The following TMTC1 variants were observed in gnomAD, a reference collection of about 807,000 sequenced individuals.
TMTC1 encodes transmembrane O-mannosyltransferase targeting cadherins 1.
A neutral mutation model predicts 104.8 loss-of-function variants in TMTC1; 73 were observed. That is an observed-to-expected ratio of 0.70 (90% CI 0.58 to 0.85). TMTC1 has a LOEUF of 0.85. Ranked by LOEUF, TMTC1 falls within the 40% of genes least tolerant of loss-of-function variation. The pLI, the probability that TMTC1 is intolerant of heterozygous loss-of-function variation, is 0.00. For synonymous variants in TMTC1, 434 were observed against 428.7 expected (o/e 1.01, Z -0.15); for missense variants, 1,035 against 1,096.1 (o/e 0.94, Z 0.79).
At chr12:29,781,662 C>CA (rs112333418) in intron 1 of TMTC1, among the ~76,000 whole-genome samples, 18 of 152,026 alleles carry the variant, frequency 1.2e-4, no homozygotes, top group Admixed American at 2.0e-4. Context: ...CCCATATCTA[C>CA]AAAAAAAATT....
At chr12:29,554,602 C>T (rs575612762) in intron 10 of TMTC1, among the ~76,000 whole-genome samples, 1 of 152,314 alleles carries the variant, frequency 6.6e-6, no homozygotes, top group African/African-American at 2.4e-5. Flanking sequence ...GACACAGTGT[C>T]TCATGCCTAT....
intron 9 of TMTC1, among the ~76,000 whole-genome samples, chr12:29,566,768 T>C (rs910112104): frequency 1.3e-5 from 2 of 152,208 alleles, no homozygotes; most frequent in Non-Finnish European, 2.9e-5. Context: ...TGAATTATCT[T>C]GTAATCCTCC....
chr12:29,611,094 A>AG (rs1946832435), intron 6 of TMTC1, among the ~76,000 whole-genome samples: 2 of 152,300 alleles, frequency 1.3e-5, no homozygotes, highest in Admixed American at 1.3e-4. Context: ...CAGATGTACT[A>AG]ATGAACAGAG....
rs527574472 is a variant in TMTC1, at chr12:29,580,700, T to A, written c.1418+2707A>T. ...CTCAGCTGGCTCCTGTTTTGGGCCA[T>A]TACGGCTAATTTAGGTTTTTCTCCT... is the stretch of plus-strand genomic sequence containing the variant. On this transcript the variant is annotated intron_variant, in intron 8 of 17. Coordinates refer to ENST00000539277, the MANE Select transcript of TMTC1 (RefSeq NM_001193451.2). Among the ~76,000 whole-genome samples the A allele has an allele frequency of 2.0e-5, 3 of 152,302 alleles. No individual in the cohort carries two copies. In the South Asian group the frequency reaches 6.2e-4, roughly 32 times the overall value.
chr12:29,571,890 C>T lies in TMTC1; in HGVS notation c.1532+215G>A, dbSNP rs2288229. Among the ~76,000 whole-genome samples the T allele has an allele frequency of 3.5e-4, 54 of 152,246 alleles. No homozygotes were observed. The East Asian group carries it at 7.9e-3, about 22-fold the overall frequency. On this transcript the variant is annotated intron_variant, in intron 9 of 17. Transcript: ENST00000539277. Reference sequence around the variant, plus strand: ...CAATGAAAAGTTTCACAAGAAAACACGCAAGACTTACACGCAAGGTAGAGT... The same window carrying T: ...CAATGAAAAGTTTCACAAGAAAACATGCAAGACTTACACGCAAGGTAGAGT...
intron 7 of TMTC1, among the ~76,000 whole-genome samples, chr12:29,586,968 T>G (rs1458144285): frequency 6.6e-6 from 1 of 152,148 alleles, no homozygotes; most frequent in East Asian, 1.9e-4. Context: ...TTAGGGAGGA[T>G]TCCCTCTTTT....
chr12:29,565,385 C>T (rs1420180646), intron 9 of TMTC1, among the ~76,000 whole-genome samples: 1 of 152,150 alleles, frequency 6.6e-6, no homozygotes, highest in Non-Finnish European at 1.5e-5. Flanking sequence ...ATGGCCCATC[C>T]AAGCTGACAT....
intron 1 of TMTC1, among the ~76,000 whole-genome samples, chr12:29,769,957 C>A (rs1943558785): frequency 6.6e-6 from 1 of 151,522 alleles, no homozygotes; most frequent in South Asian, 2.1e-4. Context: ...TACATATGTA[C>A]ATATACATAT....
chr12:29,768,111 A>G (rs954790624), intron 1 of TMTC1, 36 bp from the exon 2 acceptor site: 2 of 1,460,002 alleles, frequency 1.4e-6, no homozygotes, highest in Non-Finnish European at 9.2e-7. Context: ...AAACTGCATT[A>G]GCTACAAACT....
At chr12:29,669,813 T>C (rs1940435833) in intron 5 of TMTC1, among the ~76,000 whole-genome samples, 1 of 152,232 alleles carries the variant, frequency 6.6e-6, no homozygotes, top group African/African-American at 2.4e-5. Context: ...GGCATTTATG[T>C]GTCAAAGAGC....
At chr12:29,717,368 G>C (rs555435764) in intron 5 of TMTC1, among the ~76,000 whole-genome samples, 1 of 152,274 alleles carries the variant, frequency 6.6e-6, no homozygotes, top group South Asian at 2.1e-4. Context: ...TTAGCCTGAA[G>C]AATTTTCCTA....
chr12:29,610,215 C>T (rs1399543144), intron 6 of TMTC1, among the ~76,000 whole-genome samples: 4 of 152,166 alleles, frequency 2.6e-5, no homozygotes, highest in African/African-American at 7.2e-5. Flanking sequence ...GATCGGAGCT[C>T]GGGCTGGTGT....
intron 10 of TMTC1, among the ~76,000 whole-genome samples, chr12:29,544,300 G>T (rs1944883618): frequency 6.6e-6 from 1 of 150,482 alleles, no homozygotes; most frequent in Admixed American, 6.6e-5. Context: ...TGGCGCAAAA[G>T]TGGCACTGGC....
intron 5 of TMTC1, among the ~76,000 whole-genome samples, chr12:29,718,060 G>A: frequency 6.6e-6 from 1 of 152,124 alleles, no homozygotes; most frequent in East Asian, 1.9e-4. Flanking sequence ...TAATATTTAT[G>A]CTAATGGCGA....
chr12:29,557,855 C>T (rs909254577), intron 9 of TMTC1, among the ~76,000 whole-genome samples: 9 of 152,310 alleles, frequency 5.9e-5, no homozygotes, highest in African/African-American at 2.2e-4. Flanking sequence ...AATGCCTCCT[C>T]TTCTCTTTTT....
At chr12:29,641,695 C>G (rs778949134) in intron 5 of TMTC1, among the ~76,000 whole-genome samples, 1 of 152,040 alleles carries the variant, frequency 6.6e-6, no homozygotes, top group African/African-American at 2.4e-5. Flanking sequence ...TCAATACCCC[C>G]CCAAAAAAAT....
intron 7 of TMTC1, among the ~76,000 whole-genome samples, chr12:29,603,048 T>C (rs1185831892): frequency 1.3e-5 from 2 of 152,200 alleles, no homozygotes; most frequent in Non-Finnish European, 2.9e-5. Context: ...ACAAGACTCT[T>C]ACCTTAAACC....
Position 29,751,842 on chromosome 12 carries a change from T to C in TMTC1, c.762A>G (p.Pro254=). The change falls in exon 5 of 18, where the codon CCA becomes CCG. Residue 254 remains proline (P), a synonymous_variant. Transcript: ENST00000539277. The part of the protein sequence containing the change: ...SSNGALCPRS[P]QQPGSPQPSS... ...AGGGCTGGGGGCTCCCGGGCTGCTG[T>C]GGGCTGCGTGGACAGAGGGCCCCAT... 6.3e-7 allele frequency: 1 copy of C among 1,589,232 alleles called. No individual in the cohort carries two copies. The highest frequency in any genetic ancestry group is 8.6e-7 in the Non-Finnish European group (1 of 1,167,628).
At chr12:29,636,409 C>T (rs1317882016) in intron 5 of TMTC1, among the ~76,000 whole-genome samples, 2 of 152,202 alleles carry the variant, frequency 1.3e-5, no homozygotes, top group East Asian at 3.9e-4. Context: ...TTTGGCCTTG[C>T]TCTGCAAGTT....
Sources: gnomAD v4.1 joint callset for allele counts (sites outside exome capture counted in the v4.1 genomes callset) on GRCh38, gnomAD v4.1.1 for gene constraint, MANE v1.5 for transcripts, NCBI Gene and HGNC (gene_info 2026-07-23, HGNC 2026-07-21) for gene names.